DMD: variants seen among roughly 807,000 people sequenced by gnomAD.
The protein encoded by DMD is dystrophin, also known as mutant dystrophin.
Under a neutral mutation model 330.1 loss-of-function variants are expected in DMD, and 63 were observed. The observed-to-expected ratio is 0.19, with a 90% confidence interval of 0.16 to 0.24. The LOEUF is 0.24. DMD is among the 10% of genes least tolerant of loss of function. DMD has a pLI of 1.00. For synonymous variants in DMD, 1,223 were observed against 959.8 expected (o/e 1.27, Z -5.07); for missense variants, 3,344 against 2,684.1 (o/e 1.25, Z -5.43).
intron 53 of DMD, among the ~76,000 whole-genome samples, chrX:31,659,652 A>AGG (rs2081007830): frequency 3.0e-5 from 3 of 101,613 alleles, no homozygotes; most frequent in African/African-American, 1.1e-4. Context: ...AAAAAAAAAA[A>AGG]AAAAAAAAAA....
At chrX:31,759,668 A>G (rs1339034431) in intron 51 of DMD, among the ~76,000 whole-genome samples, 1 of 111,900 alleles carries the variant, frequency 8.9e-6, no homozygotes, top group Non-Finnish European at 1.9e-5. Context: ...AATATTCTAA[A>G]TATAAATTAC....
chrX:32,635,075 G>A (rs781662530), intron 11 of DMD, among the ~76,000 whole-genome samples: 13 of 111,753 alleles, frequency 1.2e-4, no homozygotes, highest in Admixed American at 6.6e-4. Context: ...CTCCCTCTGC[G>A]GGATTTGGCT....
chrX:31,172,226 G>A, intron 73 of DMD, 122 bp downstream of exon 73: 1 of 560,329 alleles, frequency 1.8e-6, no homozygotes, highest in Non-Finnish European at 3.0e-6. Context: ...GTAAATGAAT[G>A]GCTCCTTAAA....
chrX:33,210,365 A>G (rs2051828565), intron 1 of DMD, among the ~76,000 whole-genome samples: 1 of 110,949 alleles, frequency 9.0e-6, no homozygotes, highest in African/African-American at 3.3e-5. Flanking sequence ...GGAAGAGATA[A>G]ACTCCCATCT....
intron 55 of DMD, among the ~76,000 whole-genome samples, chrX:31,588,909 C>T (rs1244911779): frequency 9.9e-6 from 1 of 101,093 alleles, no homozygotes. Flanking sequence ...ATCTATTAAC[C>T]TCTTTCCCCC....
Position 32,145,034 on chromosome X carries a change from C to G in DMD, c.6438+71882G>C, listed in dbSNP as rs141005614. Among the ~76,000 whole-genome samples the G allele has an allele frequency of 3.6e-3, 401 of 111,713 alleles. 2 individuals carry two copies. The highest frequency in any genetic ancestry group is 9.3e-3 in the Middle Eastern group (2 of 216). ...GGGCAACAAGAGTGAAACACCGTCT[C>G]AATGAATCAGTCAATCAATCAATCA... On this transcript the variant is annotated intron_variant, in intron 44 of 78. Transcript: ENST00000357033.
intron 52 of DMD, among the ~76,000 whole-genome samples, chrX:31,724,094 T>C (rs747606337): frequency 8.9e-6 from 1 of 112,290 alleles, no homozygotes; most frequent in Non-Finnish European, 1.9e-5. Context: ...GGCATCCTAG[T>C]GGATGTGAAT....
intron 26 of DMD, among the ~76,000 whole-genome samples, chrX:32,452,711 G>A (rs1368843690): frequency 9.1e-6 from 1 of 110,390 alleles, no homozygotes; most frequent in Non-Finnish European, 1.9e-5. Context: ...GTTTTCCTCA[G>A]GGGTGACCTC....
chrX:32,944,107 C>T (rs745325885), intron 2 of DMD, among the ~76,000 whole-genome samples: 1 of 111,701 alleles, frequency 9.0e-6, no homozygotes, highest in Non-Finnish European at 1.9e-5. Context: ...GGTGAACATG[C>T]AATATTTGAC....
rs749643767 is a variant in DMD at position 31,454,474 on chromosome X, C to T, written c.8938-9847G>A. On this transcript the variant is annotated intron_variant, in intron 59 of 78. Coordinates refer to ENST00000357033, the MANE Select transcript of DMD (RefSeq NM_004006.3). ...TTTAACAAGTTTTTGGGCTTGCAAT[C>T]ATTTCTTGGTCTGAGCCACATGTGT... Among the ~76,000 whole-genome samples, 3 of 112,149 alleles carry T rather than the reference C, an allele frequency of 2.7e-5. No homozygotes were observed. The South Asian group carries it at 1.1e-3, about 41-fold the overall frequency.
chrX:31,470,911 C>T lies in DMD; in HGVS notation c.8937+7195G>A, dbSNP rs188075135. On this transcript the variant is annotated intron_variant, in intron 59 of 78. Coordinates refer to ENST00000357033, the MANE Select transcript of DMD (RefSeq NM_004006.3). ...GGCTTTGCCGAGCTGCGGTGAGCTC[C>T]GCCCAGTTAGAACTTCTTGACGGCT... 1.5e-3 allele frequency among the ~76,000 whole-genome samples: 169 copies of T among 112,205 alleles called. 2 individuals are homozygous for T. Among genetic ancestry groups the T allele is most frequent in the African/African-American group, 5.2e-3 (160 of 30,952 alleles).
chrX:32,647,311 C>T (rs1342331172), intron 9 of DMD, among the ~76,000 whole-genome samples: 7 of 111,192 alleles, frequency 6.3e-5, no homozygotes, highest in Admixed American at 2.9e-4. Context: ...TTTTCAATGC[C>T]CTAGAAGCAC....
chrX:32,712,419 C>T (rs2065273270), intron 7 of DMD, among the ~76,000 whole-genome samples: 1 of 111,190 alleles, frequency 9.0e-6, no homozygotes, highest in South Asian at 3.8e-4. Flanking sequence ...AAATGTGAAA[C>T]CTCAGGATCA....
rs200282141 is a variant in DMD at position 32,388,887 on chromosome X, G to A, written c.4518+614C>T. ...TCCAATAACAGCAACATAGGACACC[G>A]TTCAATATTATAAAGTTTAAATCAG... On this transcript the variant is annotated intron_variant, in intron 32 of 78. Coordinates refer to ENST00000357033, the MANE Select transcript of DMD (RefSeq NM_004006.3). 2.2e-4 allele frequency among the ~76,000 whole-genome samples: 25 copies of A among 111,400 alleles called. No homozygotes were observed. In the East Asian group the frequency reaches 6.2e-3, roughly 28 times the overall value.
At chrX:33,313,685 A>T (rs776656118) in intron 1 of DMD, among the ~76,000 whole-genome samples, 1 of 111,494 alleles carries the variant, frequency 9.0e-6, no homozygotes, top group Non-Finnish European at 1.9e-5. Flanking sequence ...GTAAAAAAAA[A>T]AAAAATGCAA....
chrX:32,276,643 G>T (rs1046990412), intron 43 of DMD, among the ~76,000 whole-genome samples: 1 of 111,638 alleles, frequency 9.0e-6, no homozygotes, highest in Non-Finnish European at 1.9e-5. Flanking sequence ...GTCTCGACCA[G>T]GCATGGTGGC....
At chrX:31,126,531 T>C in intron 78 of DMD, 111 bp downstream of exon 78, 1 of 637,981 alleles carries the variant, frequency 1.6e-6, no homozygotes, top group South Asian at 2.4e-5. Context: ...GATGACACAA[T>C]GTGTAATACA....
intron 17 of DMD, among the ~76,000 whole-genome samples, chrX:32,522,533 G>A (rs891736260): frequency 1.8e-5 from 2 of 111,462 alleles, no homozygotes; most frequent in Admixed American, 9.5e-5. Flanking sequence ...TGAAATATAC[G>A]GTAGTAAAAA....
chrX:32,472,394 T>G, intron 21 of DMD, 85 bp from the exon 22 acceptor site: 1 of 914,663 alleles, frequency 1.1e-6, no homozygotes, highest in Non-Finnish European at 1.6e-6. Flanking sequence ...CAAACTCAAT[T>G]ATATTACTAG....
Sources: gnomAD v4.1 joint callset for allele counts (sites outside exome capture counted in the v4.1 genomes callset) on GRCh38, gnomAD v4.1.1 for gene constraint, MANE v1.5 for transcripts, NCBI Gene and HGNC (gene_info 2026-07-23, HGNC 2026-07-21) for gene names.